PGBD2: variants seen among roughly 807,000 people sequenced by gnomAD.
PGBD2 encodes the protein piggyBac transposable element derived 2.
PGBD2 carries 6 observed loss-of-function variants against 8.1 expected under a neutral mutation model. The observed-to-expected ratio is 0.74, with a 90% CI of 0.40 to 1.46. The LOEUF is 1.46. Ranked by LOEUF, PGBD2 falls within the 40% of genes most tolerant of loss-of-function variation. The probability of loss-of-function intolerance (pLI) is 0.02; values close to 1 mark genes in which losing one functional copy is unlikely to be tolerated. For missense variants in PGBD2, 802 were observed against 739.0 expected (o/e 1.09, Z -0.99); for synonymous variants, 318 against 272.2 (o/e 1.17, Z -1.66).
intron 1 of PGBD2, chr1:248,912,736 G>A (rs1661944675): frequency 6.6e-6 from 1 of 151,576 alleles, no homozygotes; most frequent in South Asian, 2.1e-4. Flanking sequence ...TTGTGGACAG[G>A]CTATGCTAAT....
chr1:248,909,431 C>G (rs529167562), intron 1 of PGBD2, among the ~76,000 whole-genome samples: 1 of 152,134 alleles, frequency 6.6e-6, no homozygotes, highest in South Asian at 2.1e-4. Context: ...GCTTCTGGTT[C>G]TTTTCTAAAT....
the PGBD2 span, among the ~76,000 whole-genome samples, chr1:248,897,245 C>T: frequency 7.6e-6 from 1 of 131,820 alleles, no homozygotes; most frequent in African/African-American, 4.1e-5. Context: ...CTTTGTTCCC[C>T]TCTACCTTTG....
chr1:248,894,642 A>AAT, the PGBD2 span, among the ~76,000 whole-genome samples: 1 of 152,032 alleles, frequency 6.6e-6, no homozygotes, highest in East Asian at 1.9e-4. Context: ...CACTGTAATG[A>AAT]ATATACACAT....
upstream of PGBD2, among the ~76,000 whole-genome samples, chr1:248,906,017 C>G (rs993039215): frequency 2.6e-5 from 4 of 151,204 alleles, no homozygotes; most frequent in African/African-American, 7.3e-5. Context: ...GGAAGGTTTC[C>G]AAAGTAGGAC....
chr1:248,895,652 C>T, the PGBD2 span, among the ~76,000 whole-genome samples: 3 of 151,586 alleles, frequency 2.0e-5, no homozygotes, highest in Non-Finnish European at 4.4e-5. Context: ...GATTTTGGTA[C>T]CTGAGCAGTG....
chr1:248,888,782 T>C, the PGBD2 span, among the ~76,000 whole-genome samples: 6,512 of 152,252 alleles, frequency 0.043, 464 homozygotes, highest in African/African-American at 0.15. Flanking sequence ...GTTGCAATTG[T>C]TTTTGAGCAC....
At chr1:248,873,819 G>T in the PGBD2 span, among the ~76,000 whole-genome samples, 12 of 152,226 alleles carry the variant, frequency 7.9e-5, no homozygotes, top group African/African-American at 2.7e-4. Context: ...GCGGACACAA[G>T]TATGAGGCTA....
chr1:248,917,845 A>T lies in PGBD2; in HGVS notation c.1261A>T (p.Ile421Phe). The T allele has an allele frequency of 1.2e-6, 2 of 1,614,200 alleles. No homozygotes were observed. Among genetic ancestry groups the T allele is most frequent in the South Asian group, 1.1e-5 (1 of 91,084 alleles). Residue 421 changes from isoleucine (I) to phenylalanine (F), a missense_variant, in exon 3 of 3, where the codon ATT becomes TTT. By Grantham distance (21) the Ile-to-Phe change is conservative. Transcript: ENST00000329291. ...CTGGCACGATAGCAGCGTGGTCAAC[A>T]TTTGCTCCAATGCTGTGGGCATAGA... ...CRWHDSSVVN[I>F]CSNAVGIEPV...
chr1:248,888,185 T>C, the PGBD2 span, among the ~76,000 whole-genome samples: 2 of 152,236 alleles, frequency 1.3e-5, no homozygotes, highest in African/African-American at 4.8e-5. Flanking sequence ...GTTGATTCTA[T>C]ATCCATGCTA....
chr1:248,930,032 G>A, the PGBD2 span, among the ~76,000 whole-genome samples: 1,381 of 152,274 alleles, frequency 9.1e-3, 26 homozygotes, highest in African/African-American at 0.032. Flanking sequence ...GGAAGGTGAG[G>A]CAAAAGCTTC....
the PGBD2 span, among the ~76,000 whole-genome samples, chr1:248,886,892 G>A: frequency 6.6e-6 from 1 of 152,160 alleles, no homozygotes; most frequent in Non-Finnish European, 1.5e-5. Flanking sequence ...AGGATCACAG[G>A]TTTCCAAAGA....
downstream of PGBD2, chr1:248,919,519 A>G (rs1662240588): frequency 6.0e-6 from 1 of 167,072 alleles, no homozygotes; most frequent in African/African-American, 2.4e-5. Context: ...CTCCCAAATC[A>G]TGACTATTGA....
At chr1:248,921,638 G>A (rs1427872039), downstream of PGBD2, among the ~76,000 whole-genome samples, 2 of 152,302 alleles carry the variant, frequency 1.3e-5, no homozygotes, top group East Asian at 3.9e-4. Flanking sequence ...AGTTCCACAT[G>A]AAATTTAAAG....
the PGBD2 span, among the ~76,000 whole-genome samples, chr1:248,874,165 C>A: frequency 6.6e-6 from 1 of 152,164 alleles, no homozygotes; most frequent in East Asian, 1.9e-4. Flanking sequence ...TGCGAGAAAA[C>A]CGCATCCAAT....
chr1:248,896,902 T>G, the PGBD2 span, among the ~76,000 whole-genome samples: 6 of 152,146 alleles, frequency 3.9e-5, no homozygotes, highest in Non-Finnish European at 7.4e-5. Context: ...ACCCAGGAAA[T>G]CACACTTTTC....
intron 2 of PGBD2, chr1:248,914,437 AGAGCTTG>A (rs1418087496): frequency 7.9e-6 from 10 of 1,270,418 alleles, no homozygotes; most frequent in Non-Finnish European, 9.2e-6. Flanking sequence ...TGGCCCATGC[AGAGCTTG>A]GATGAGTGAA....
At chr1:248,891,611 C>A in the PGBD2 span, among the ~76,000 whole-genome samples, 6 of 152,150 alleles carry the variant, frequency 3.9e-5, no homozygotes, top group Admixed American at 3.9e-4. Context: ...AGGTGAATTG[C>A]GTGAGCCCAG....
intron 1 of PGBD2, among the ~76,000 whole-genome samples, chr1:248,910,968 C>G (rs1407870667): frequency 1.3e-5 from 2 of 152,128 alleles, no homozygotes; most frequent in East Asian, 3.9e-4. Context: ...CAACCAAGAT[C>G]CTGAACATAT....
At chr1:248,910,444 G>A (rs1276420314) in intron 1 of PGBD2, among the ~76,000 whole-genome samples, 1 of 152,218 alleles carries the variant, frequency 6.6e-6, no homozygotes, top group Non-Finnish European at 1.5e-5. Context: ...ACAGTGCAGT[G>A]AGGGTAGGTA....
Sources: gnomAD v4.1 joint callset for allele counts (sites outside exome capture counted in the v4.1 genomes callset) on GRCh38, gnomAD v4.1.1 for gene constraint, MANE v1.5 for transcripts, NCBI Gene and HGNC (gene_info 2026-07-23, HGNC 2026-07-21) for gene names.